The following SLC24A2 variants were observed in gnomAD, a reference collection of about 807,000 sequenced individuals.
SLC24A2 encodes sodium/potassium/calcium exchanger 2.
Under a neutral mutation model 62.0 loss-of-function variants are expected in SLC24A2, and 36 were observed. That is an observed-to-expected ratio of 0.58 (90% CI 0.44 to 0.77). The LOEUF (loss-of-function observed/expected upper bound fraction) is 0.77, where lower values mean the gene tolerates loss of function less well. Among genes scored for constraint, SLC24A2 ranks in the 30% least tolerant of loss-of-function variants. The pLI, the probability that SLC24A2 is intolerant of heterozygous loss-of-function variation, is 0.00. For synonymous variants in SLC24A2, 358 were observed against 294.0 expected (o/e 1.22, Z -2.23); for missense variants, 846 against 817.9 (o/e 1.03, Z -0.42).
At chr9:19,878,658 C>T in the SLC24A2 span, among the ~76,000 whole-genome samples, 1 of 151,932 alleles carries the variant, frequency 6.6e-6, no homozygotes, top group Admixed American at 6.6e-5. Flanking sequence ...GTGGCACCTC[C>T]TCCTATCTCT....
At chr9:19,840,855 T>G in the SLC24A2 span, among the ~76,000 whole-genome samples, 1 of 152,194 alleles carries the variant, frequency 6.6e-6, no homozygotes, top group East Asian at 1.9e-4. Flanking sequence ...CATACAGCAT[T>G]TACCTTTAAA....
the SLC24A2 span, among the ~76,000 whole-genome samples, chr9:20,167,230 A>T: frequency 6.6e-6 from 1 of 152,092 alleles, no homozygotes; most frequent in Non-Finnish European, 1.5e-5. Context: ...AATCCAGGGG[A>T]AAAAAGAATG....
the SLC24A2 span, among the ~76,000 whole-genome samples, chr9:19,925,735 G>A: frequency 6.6e-6 from 1 of 152,216 alleles, no homozygotes; most frequent in African/African-American, 2.4e-5. Flanking sequence ...GGGATCTGAT[G>A]TGACAGGGTT....
In SLC24A2 at chr9:19,632,094, G is replaced by T. The variant is rs902948613; in HGVS notation, c.931-9795C>A. Among the ~76,000 whole-genome samples, 5 of 152,172 alleles carry T rather than the reference G, an allele frequency of 3.3e-5. No individual in the cohort carries two copies. The highest frequency in any genetic ancestry group is 7.4e-5 in the Non-Finnish European group (5 of 68,026). On this transcript the variant is annotated intron_variant, in intron 2 of 10. Coordinates refer to ENST00000341998, the MANE Select transcript of SLC24A2 (RefSeq NM_020344.4). This position sits in a 1 kb window ranked among gnomAD's most constrained non-coding sequence, Gnocchi z 4.5. The stretch of plus-strand genomic sequence containing the variant: ...AAGGACTAGGAGTCCCATTAGTGGG[G>T]CTTGACATGAGGACAGTTACCTTCT...
chr9:20,237,381 A>T, the SLC24A2 span, among the ~76,000 whole-genome samples: 1 of 152,190 alleles, frequency 6.6e-6, no homozygotes, highest in Admixed American at 6.5e-5. Context: ...ATTACCCATG[A>T]TTACTTAGCC....
intron 9 of SLC24A2, among the ~76,000 whole-genome samples, chr9:19,524,400 A>C (rs1833340126): frequency 6.9e-6 from 1 of 145,234 alleles, no homozygotes; most frequent in African/African-American, 2.6e-5. Context: ...CAAGAACAAC[A>C]AAAACAAAAG....
At chr9:20,057,208 A>G in the SLC24A2 span, among the ~76,000 whole-genome samples, 5 of 152,220 alleles carry the variant, frequency 3.3e-5, no homozygotes, top group Middle Eastern at 3.2e-3. Flanking sequence ...TGCTATCCCT[A>G]TAACTATCAC....
Position 19,531,460 on chromosome 9 carries a change from G to C in SLC24A2, c.1480-3322C>G, listed in dbSNP as rs139767318. On this transcript the variant is annotated intron_variant, in intron 8 of 10. Coordinates refer to ENST00000341998, the MANE Select transcript of SLC24A2 (RefSeq NM_020344.4). The stretch of plus-strand genomic sequence containing the variant: ...ATACTAATTAGCAAATAAGCAAATT[G>C]CATCCATGTGCTGGCCATTTTGTGC... 8.5e-5 allele frequency among the ~76,000 whole-genome samples: 13 copies of C among 152,258 alleles called. No individual in the cohort carries two copies. In the East Asian group the frequency reaches 2.5e-3, roughly 29 times the overall value.
chr9:20,181,886 T>C, the SLC24A2 span, among the ~76,000 whole-genome samples: 1 of 152,144 alleles, frequency 6.6e-6, no homozygotes, highest in Non-Finnish European at 1.5e-5. Context: ...AATCTATCCA[T>C]CTGACAAAGG....
At chr9:20,024,707 G>A in the SLC24A2 span, among the ~76,000 whole-genome samples, 2 of 152,168 alleles carry the variant, frequency 1.3e-5, no homozygotes, top group South Asian at 2.1e-4. Flanking sequence ...CAGCTTTAAA[G>A]AAGATCAGGT....
intron 2 of SLC24A2, among the ~76,000 whole-genome samples, chr9:19,742,131 A>T (rs1289408503): frequency 6.6e-6 from 1 of 152,200 alleles, no homozygotes; most frequent in African/African-American, 2.4e-5. Context: ...TCTCAGAAGC[A>T]ATTGCCATAA....
At chr9:20,166,647 T>C in the SLC24A2 span, among the ~76,000 whole-genome samples, 4 of 151,878 alleles carry the variant, frequency 2.6e-5, no homozygotes, top group Admixed American at 1.3e-4. Flanking sequence ...AGCCAGAAAA[T>C]AGTACAATTG....
At chr9:20,260,966 C>G in the SLC24A2 span, among the ~76,000 whole-genome samples, 1 of 149,836 alleles carries the variant, frequency 6.7e-6, no homozygotes, top group Non-Finnish European at 1.5e-5. Flanking sequence ...AGCGATTCTC[C>G]TGCCTCAGCC....
chr9:19,992,369 T>C, the SLC24A2 span, among the ~76,000 whole-genome samples: 1 of 152,198 alleles, frequency 6.6e-6, no homozygotes, highest in Non-Finnish European at 1.5e-5. Context: ...GTGTTGCTTA[T>C]TGAAGATATT....
At chr9:20,288,016 G>T in the SLC24A2 span, among the ~76,000 whole-genome samples, 2 of 104,768 alleles carry the variant, frequency 1.9e-5, no homozygotes, top group East Asian at 4.4e-4. Context: ...TTGGTTGGGA[G>T]TGGGAAGGGA....
At chr9:20,265,357 G>A in the SLC24A2 span, among the ~76,000 whole-genome samples, 1 of 152,212 alleles carries the variant, frequency 6.6e-6, no homozygotes, top group Non-Finnish European at 1.5e-5. Flanking sequence ...GGAGGGACCA[G>A]CTGAAACCAT....
chr9:20,211,434 C>G, the SLC24A2 span, among the ~76,000 whole-genome samples: 4 of 152,116 alleles, frequency 2.6e-5, no homozygotes, highest in African/African-American at 4.8e-5. Context: ...ATTGCTTGAA[C>G]CCAGGAGGCA....
chr9:19,697,810 G>A (rs1230641546), intron 2 of SLC24A2, among the ~76,000 whole-genome samples: 2 of 151,792 alleles, frequency 1.3e-5, no homozygotes, highest in Admixed American at 6.6e-5. Context: ...AATTAGTTTC[G>A]GAAACTGAAA....
intron 2 of SLC24A2, among the ~76,000 whole-genome samples, chr9:19,747,527 C>G (rs1244048544): frequency 6.6e-6 from 1 of 152,188 alleles, no homozygotes; most frequent in Non-Finnish European, 1.5e-5. Flanking sequence ...GTGCTCAGCA[C>G]AGTGGCTAGC....
Sources: gnomAD v4.1 joint callset for allele counts (sites outside exome capture counted in the v4.1 genomes callset) on GRCh38, gnomAD v4.1.1 for gene constraint, Gnocchi (gnomAD v3.1) non-coding constraint, MANE v1.5 for transcripts, NCBI Gene and HGNC (gene_info 2026-07-23, HGNC 2026-07-21) for gene names.